CMIP: variants seen among roughly 807,000 people sequenced by gnomAD.
The protein encoded by CMIP is c-Maf inducing protein.
In CMIP, 13 loss-of-function variants were observed where a neutral mutation model predicts 97.3. That is an observed-to-expected ratio of 0.13 (90% CI 0.09 to 0.21). The LOEUF (loss-of-function observed/expected upper bound fraction) is 0.21, where lower values mean the gene tolerates loss of function less well. Ranked by LOEUF, CMIP falls within the 10% of genes least tolerant of loss-of-function variation. The probability of loss-of-function intolerance (pLI) is 1.00; values close to 1 mark genes in which losing one functional copy is unlikely to be tolerated. For synonymous variants in CMIP, 538 were observed against 436.3 expected, an observed-to-expected ratio of 1.23 and a Z score of -2.91; for missense variants, 847 against 1,024.9, an observed-to-expected ratio of 0.83 and a Z score of 2.37.
intron 1 of CMIP, among the ~76,000 whole-genome samples, chr16:81,460,916 T>G (rs190738375): frequency 1.3e-5 from 2 of 152,344 alleles, no homozygotes; most frequent in African/African-American, 4.8e-5. Context: ...TTTGATGCCC[T>G]GTTGTATGTG....
chr16:81,705,461 G>A, intron 18 of CMIP, 38 bp from the exon 19 acceptor site: 1 of 1,441,770 alleles, frequency 6.9e-7, no homozygotes, highest in South Asian at 1.2e-5. Context: ...TTCCCCAGGA[G>A]TGGCCGGGAG....
At chr16:81,574,132 G>A (rs1265702740) in intron 1 of CMIP, among the ~76,000 whole-genome samples, 1 of 152,236 alleles carries the variant, frequency 6.6e-6, no homozygotes, top group Non-Finnish European at 1.5e-5. Context: ...TGTGGCCAGT[G>A]CAGATACAGA....
intron 3 of CMIP, among the ~76,000 whole-genome samples, chr16:81,648,169 C>A (rs1451532490): frequency 7.8e-6 from 1 of 128,588 alleles, no homozygotes; most frequent in Non-Finnish European, 1.8e-5. Context: ...CTTGGCAAAT[C>A]TGATATCCTC....
intron 1 of CMIP, among the ~76,000 whole-genome samples, chr16:81,599,041 G>A (rs892305752): frequency 7.3e-5 from 11 of 151,424 alleles, no homozygotes; most frequent in Non-Finnish European, 1.5e-4. Flanking sequence ...AGTGTCAAGT[G>A]TCAGCAAAAA....
At chr16:81,544,424 G>A (rs939177576) in intron 1 of CMIP, among the ~76,000 whole-genome samples, 2 of 141,120 alleles carry the variant, frequency 1.4e-5, no homozygotes, top group Admixed American at 1.4e-4. Context: ...TCCTCAGGGG[G>A]TAAGTGTGTG....
intron 10 of CMIP, among the ~76,000 whole-genome samples, chr16:81,680,086 G>A (rs1904717073): frequency 6.6e-6 from 1 of 152,218 alleles, no homozygotes; most frequent in Non-Finnish European, 1.5e-5. Flanking sequence ...GGGTATGGCT[G>A]TGTTGTCATA....
At chr16:81,570,231 G>T (rs191964149) in intron 1 of CMIP, among the ~76,000 whole-genome samples, 1 of 152,294 alleles carries the variant, frequency 6.6e-6, no homozygotes, top group South Asian at 2.1e-4. Context: ...TAGCCACAGA[G>T]GGGGTGGAGA....
chr16:81,657,759 C>A lies in CMIP; in HGVS notation c.640-16C>A. The A allele has an allele frequency of 1.3e-6, 2 of 1,594,414 alleles. No homozygotes were observed. The highest frequency in any genetic ancestry group is 1.7e-6 in the Non-Finnish European group (2 of 1,171,182). ...TTGTTTTGTTTTCCTCCTGCTGTCTCCATTCAATCCTTTAGAACACAAACT... is the reference window on the plus strand; with the variant it reads ...TTGTTTTGTTTTCCTCCTGCTGTCTACATTCAATCCTTTAGAACACAAACT... On this transcript the variant is annotated splice_polypyrimidine_tract_variant and intron_variant, in intron 4 of 20. Coordinates refer to ENST00000537098, the MANE Select transcript of CMIP (RefSeq NM_198390.3).
chr16:81,488,542 C>T (rs1170328166), intron 1 of CMIP, among the ~76,000 whole-genome samples: 2 of 152,184 alleles, frequency 1.3e-5, no homozygotes, highest in South Asian at 2.1e-4. Flanking sequence ...GTCTGGTTCT[C>T]CCCGAAACAG....
intron 1 of CMIP, among the ~76,000 whole-genome samples, chr16:81,455,031 GA>G (rs895112694): frequency 6.6e-5 from 10 of 152,372 alleles, no homozygotes; most frequent in African/African-American, 2.4e-4. Context: ...ATTAAAGATA[GA>G]GGTGGGTTTG....
Position 81,627,106 on chromosome 16 carries a change from AGT to A in CMIP, c.477+6190_477+6191del, listed in dbSNP as rs1326033615. Among the ~76,000 whole-genome samples, 1 of 112,608 alleles carries A rather than the reference AGT, an allele frequency of 8.9e-6. No homozygotes were observed. Among genetic ancestry groups the A allele is most frequent in the Non-Finnish European group, 1.8e-5 (1 of 55,446 alleles). 73.9% of individuals were successfully genotyped at this position (112,608 alleles called of 152,430 possible). Reference sequence around the variant, plus strand: ...TGTGGTGTGTGGGGGTGACTGTGAGAGTGTGTGTGTGGTGTGTGTGTGGCATA... The same window carrying A: ...TGTGGTGTGTGGGGGTGACTGTGAGAGTGTGTGTGGTGTGTGTGTGGCATA... On this transcript the variant is annotated intron_variant, in intron 3 of 20. Transcript: ENST00000537098. The surrounding 1 kb of genome is among the most constrained non-coding windows in gnomAD (Gnocchi z 4.6).
intron 1 of CMIP, among the ~76,000 whole-genome samples, chr16:81,597,559 G>C (rs80097860): frequency 1.0e-3 from 143 of 143,146 alleles, no homozygotes; most frequent in African/African-American, 3.6e-3. Flanking sequence ...GAGGTGGGAA[G>C]AGCCCTGGAG....
chr16:81,504,612 C>T (rs1456254481), intron 1 of CMIP, among the ~76,000 whole-genome samples: 3 of 133,110 alleles, frequency 2.3e-5, no homozygotes, highest in Non-Finnish European at 4.6e-5. Flanking sequence ...CATCGCACTC[C>T]AGCCTCGGCG....
At chr16:81,687,214 A>T (rs1905500354) in intron 10 of CMIP, among the ~76,000 whole-genome samples, 1 of 152,188 alleles carries the variant, frequency 6.6e-6, no homozygotes, top group Non-Finnish European at 1.5e-5. Flanking sequence ...CCCAAGCACC[A>T]GCCATCCACC....
chr16:81,483,132 G>T (rs1276065971), intron 1 of CMIP, among the ~76,000 whole-genome samples: 1 of 152,216 alleles, frequency 6.6e-6, no homozygotes, highest in Non-Finnish European at 1.5e-5. Flanking sequence ...GAATGGGGAG[G>T]GTGTGGCGTC....
intron 9 of CMIP, among the ~76,000 whole-genome samples, chr16:81,674,007 T>A (rs2092706563): frequency 6.6e-6 from 1 of 152,180 alleles, no homozygotes; most frequent in South Asian, 2.1e-4. Context: ...GCCGTACTGC[T>A]GAGTTCTTCG....
chr16:81,594,485 G>A (rs910044799), intron 1 of CMIP, among the ~76,000 whole-genome samples: 5 of 151,976 alleles, frequency 3.3e-5, no homozygotes, highest in South Asian at 4.1e-4. Context: ...TCACCGTACA[G>A]CAGTCCCCCC....
intron 1 of CMIP, among the ~76,000 whole-genome samples, chr16:81,462,253 G>A (rs1906940169): frequency 6.6e-6 from 1 of 152,122 alleles, no homozygotes; most frequent in Non-Finnish European, 1.5e-5. Context: ...TGGGGTACTG[G>A]GTCTAGATTT....
intron 1 of CMIP, among the ~76,000 whole-genome samples, chr16:81,531,985 C>T (rs929274306): frequency 2.6e-5 from 4 of 151,788 alleles, no homozygotes; most frequent in African/African-American, 7.2e-5. Context: ...AACTGTCCTG[C>T]GATTTGATAG....
Sources: allele counts gnomAD v4.1 joint callset (sites outside exome capture counted in the v4.1 genomes callset), GRCh38; gene constraint gnomAD v4.1.1; non-coding constraint Gnocchi (gnomAD v3.1); transcripts MANE v1.5; gene names NCBI Gene and HGNC (gene_info 2026-07-23, HGNC 2026-07-21).